YAP1: variants seen among roughly 807,000 people sequenced by gnomAD.
YAP1 encodes Yes1 associated transcriptional regulator, also known as transcriptional coactivator YAP1.
In YAP1, 5 loss-of-function variants were observed where a neutral mutation model predicts 56.9. That is an observed-to-expected ratio of 0.09 (90% CI 0.05 to 0.18). The LOEUF is 0.18. Among genes scored for constraint, YAP1 ranks in the 10% least tolerant of loss-of-function variants. YAP1 has a pLI of 1.00. For missense variants in YAP1, 539 were observed against 651.8 expected, an observed-to-expected ratio of 0.83 and a Z score of 1.88; for synonymous variants, 265 against 248.1, an observed-to-expected ratio of 1.07 and a Z score of -0.64.
intron 5 of YAP1, 132 bp from the exon 6 acceptor site, chr11:102,209,385 G>T (rs796539944): frequency 2.5e-6 from 2 of 804,120 alleles, no homozygotes; most frequent in Admixed American, 3.0e-5. Flanking sequence ...GTCTTCGTCA[G>T]TCTGCTTCTT....
chr11:102,132,535 A>G (rs2135239002), intron 2 of YAP1, among the ~76,000 whole-genome samples: 1 of 152,360 alleles, frequency 6.6e-6, no homozygotes, highest in East Asian at 1.9e-4. Flanking sequence ...ACTATGCATT[A>G]CACAAACATT....
At chr11:102,137,759 T>C (rs1193661762) in intron 2 of YAP1, among the ~76,000 whole-genome samples, 2 of 152,114 alleles carry the variant, frequency 1.3e-5, no homozygotes, top group Non-Finnish European at 2.9e-5. Flanking sequence ...TTTTTTTTTT[T>C]TTTTTTAAAG....
intron 1 of YAP1, among the ~76,000 whole-genome samples, chr11:102,113,509 T>C (rs1268269010): frequency 1.3e-5 from 2 of 152,230 alleles, no homozygotes; most frequent in African/African-American, 4.8e-5. Context: ...AACATCTTTA[T>C]CTTCTACATA....
intron 4 of YAP1, among the ~76,000 whole-genome samples, chr11:102,192,799 G>A (rs578103662): frequency 5.3e-5 from 8 of 152,300 alleles, no homozygotes; most frequent in African/African-American, 1.9e-4. Flanking sequence ...CACCATTTAA[G>A]TTTAACTTTG....
intron 2 of YAP1, among the ~76,000 whole-genome samples, chr11:102,133,408 G>C (rs889823327): frequency 6.6e-6 from 1 of 151,862 alleles, no homozygotes; most frequent in Non-Finnish European, 1.5e-5. Context: ...CAATTCTCCT[G>C]CCTCAGCCTC....
intron 2 of YAP1, among the ~76,000 whole-genome samples, chr11:102,138,579 T>C (rs1422303158): frequency 1.3e-5 from 2 of 152,228 alleles, no homozygotes; most frequent in African/African-American, 2.4e-5. Context: ...AGGCATGAAC[T>C]GAAATGGAAA....
intron 3 of YAP1, among the ~76,000 whole-genome samples, chr11:102,183,700 T>TTG (rs1555011904): frequency 3.1e-5 from 3 of 98,004 alleles, no homozygotes; most frequent in Admixed American, 9.9e-5. Context: ...ATAATGCTGT[T>TTG]TCTGTGTGTG....
At position 102,232,972 on chromosome 11, in the gene YAP1, T is replaced by C. The variant is rs1441480706; in HGVS notation, c.*3032T>C. On this transcript the variant is annotated 3_prime_UTR_variant, in exon 9 of 9. Transcript: ENST00000282441. ...AAATACATGCCTTCTATATGGAACA[T>C]GGCAGAAAGACTGAAAAATAACAGT... The C allele has an allele frequency of 1.3e-5, 2 of 152,252 alleles. No individual in the cohort carries two copies. The highest frequency in any genetic ancestry group is 2.9e-5 in the Non-Finnish European group (2 of 68,046). 9.4% of individuals were successfully genotyped at this position (152,252 alleles called of 1,614,324 possible). A position where few individuals can be genotyped will look rare whatever the true frequency, so the allele number is the denominator to read the frequency against.
intron 6 of YAP1, 78 bp from the exon 7 acceptor site, chr11:102,223,544 G>T: frequency 6.7e-7 from 1 of 1,492,404 alleles, no homozygotes; most frequent in South Asian, 1.3e-5. Flanking sequence ...TTACTCTGAT[G>T]AACGTTTTAT....
chr11:102,141,302 A>G (rs1479254356), intron 2 of YAP1, among the ~76,000 whole-genome samples: 1 of 152,158 alleles, frequency 6.6e-6, no homozygotes, highest in Non-Finnish European at 1.5e-5. Flanking sequence ...GTTGAGAACT[A>G]TTTTCGTGTT....
chr11:102,197,505 T>TG (rs1002394126), intron 4 of YAP1, among the ~76,000 whole-genome samples: 8 of 136,296 alleles, frequency 5.9e-5, no homozygotes, highest in East Asian at 2.2e-4. Context: ...GAATGAAACT[T>TG]GGGGAAAAAA....
At chr11:102,112,614 C>G in intron 1 of YAP1, 1 of 985,106 alleles carries the variant, frequency 1.0e-6, no homozygotes, top group Non-Finnish European at 1.2e-6. Context: ...GTTGTATAGT[C>G]TCCTGTCGGA....
At chr11:102,148,512 C>T (rs1282022929) in intron 2 of YAP1, among the ~76,000 whole-genome samples, 1 of 152,134 alleles carries the variant, frequency 6.6e-6, no homozygotes, top group East Asian at 1.9e-4. Flanking sequence ...GTGCTACACA[C>T]TGATGGTTTT....
chr11:102,185,604 T>A (rs1947904763), intron 3 of YAP1, among the ~76,000 whole-genome samples: 1 of 152,224 alleles, frequency 6.6e-6, no homozygotes, highest in South Asian at 2.1e-4. Flanking sequence ...TTCAACGTTC[T>A]AAAAATACTT....
intron 6 of YAP1, among the ~76,000 whole-genome samples, chr11:102,220,555 G>C (rs985263704): frequency 6.6e-6 from 1 of 152,034 alleles, no homozygotes; most frequent in African/African-American, 2.4e-5. Flanking sequence ...TGCTTATGCT[G>C]TTTTGAATGA....
At chr11:102,183,445 GAA>G (rs1327332426) in intron 3 of YAP1, among the ~76,000 whole-genome samples, 1 of 152,140 alleles carries the variant, frequency 6.6e-6, no homozygotes, top group African/African-American at 2.4e-5. Context: ...TTTAAGAAGA[GAA>G]ACCCCTGGTG....
chr11:102,175,335 G>C lies in YAP1; in HGVS notation c.689-10683G>C, dbSNP rs373342158. On this transcript the variant is annotated intron_variant, in intron 3 of 8. Transcript: ENST00000282441. ...GAATTGCTTGAACCTGGGAGGTGGA[G>C]GCTGCAGTGAGCCAAGATCGCGCCA... Among the ~76,000 whole-genome samples the C allele has an allele frequency of 2.6e-5, 4 of 152,146 alleles. No homozygotes were observed. The South Asian group carries it at 8.3e-4, about 32-fold the overall frequency.
At chr11:102,221,951 T>A (rs2135694279) in intron 6 of YAP1, among the ~76,000 whole-genome samples, 1 of 148,624 alleles carries the variant, frequency 6.7e-6, no homozygotes, top group South Asian at 2.1e-4. Context: ...AATGTGTAAT[T>A]TTTTTTTTTT....
chr11:102,201,245 T>A (rs959666198), intron 4 of YAP1, among the ~76,000 whole-genome samples: 2 of 152,198 alleles, frequency 1.3e-5, no homozygotes, highest in African/African-American at 4.8e-5. Context: ...TTTAGAGTTA[T>A]CTCAGGATAT....
Sources: allele counts gnomAD v4.1 joint callset (sites outside exome capture counted in the v4.1 genomes callset), GRCh38; gene constraint gnomAD v4.1.1; transcripts MANE v1.5; gene names NCBI Gene and HGNC (gene_info 2026-07-23, HGNC 2026-07-21).